Variants in TNFSF11 observed in about 807,000 individuals in gnomAD.
TNFSF11 encodes tumor necrosis factor ligand superfamily member 11.
Under a neutral mutation model 32.2 loss-of-function variants are expected in TNFSF11, and 12 were observed. That is an observed-to-expected ratio of 0.37 (90% CI 0.24 to 0.60). TNFSF11 has a LOEUF of 0.60. TNFSF11 is among the 20% of genes least tolerant of loss of function. TNFSF11 has a pLI of 0.66. For missense variants in TNFSF11, 345 were observed against 398.0 expected (o/e 0.87, Z 1.13); for synonymous variants, 172 against 152.1 (o/e 1.13, Z -0.96).
intron 2 of TNFSF11, among the ~76,000 whole-genome samples, chr13:42,599,513 T>C (rs563814575): frequency 6.6e-6 from 1 of 152,118 alleles, no homozygotes; most frequent in Non-Finnish European, 1.5e-5. Context: ...TAGGAATCTC[T>C]CCAGAGTGGT....
chr13:42,599,493 C>G (rs187960982), intron 2 of TNFSF11, among the ~76,000 whole-genome samples: 25 of 152,182 alleles, frequency 1.6e-4, no homozygotes, highest in African/African-American at 6.0e-4. Flanking sequence ...ATTCCAGTAA[C>G]AGGGGAAATT....
At chr13:42,586,091 T>C (rs1374831898) in intron 2 of TNFSF11, among the ~76,000 whole-genome samples, 1 of 152,238 alleles carries the variant, frequency 6.6e-6, no homozygotes, top group Non-Finnish European at 1.5e-5. Context: ...TGTACAAATA[T>C]ACGAGAGTGA....
chr13:42,604,354 T>G (rs1356677752), intron 4 of TNFSF11, among the ~76,000 whole-genome samples: 1 of 152,196 alleles, frequency 6.6e-6, no homozygotes, highest in East Asian at 1.9e-4. Context: ...TCTGGGGTGC[T>G]TTAATCTGGG....
upstream of TNFSF11, among the ~76,000 whole-genome samples, chr13:42,569,606 T>C (rs1439740466): frequency 6.8e-6 from 1 of 147,636 alleles, no homozygotes; most frequent in African/African-American, 2.5e-5. Flanking sequence ...GAGATTAGAG[T>C]TAGAGTCAGA....
chr13:42,582,381 G>A (rs1056664003), intron 2 of TNFSF11, among the ~76,000 whole-genome samples: 7 of 152,190 alleles, frequency 4.6e-5, no homozygotes, highest in Non-Finnish European at 7.3e-5. Flanking sequence ...GTAAACGTCT[G>A]TAACACCCTG....
chr13:42,586,212 A>C (rs1280786840), intron 2 of TNFSF11, among the ~76,000 whole-genome samples: 2 of 152,236 alleles, frequency 1.3e-5, no homozygotes, highest in African/African-American at 4.8e-5. Context: ...GTGAAGCTGC[A>C]AGCTCCATCA....
chr13:42,580,538 CA>C (rs1310061379), intron 1 of TNFSF11, among the ~76,000 whole-genome samples: 1 of 151,918 alleles, frequency 6.6e-6, no homozygotes, highest in African/African-American at 2.4e-5. Flanking sequence ...AGAGGGTCAA[CA>C]AAAAAGACAG....
At chr13:42,570,119 G>C (rs1223656896), upstream of TNFSF11, among the ~76,000 whole-genome samples, 1 of 152,116 alleles carries the variant, frequency 6.6e-6, no homozygotes, top group Non-Finnish European at 1.5e-5. Context: ...GAATGTAAAA[G>C]GTTTGAAAAT....
chr13:42,581,182 A>C lies in TNFSF11; in HGVS notation c.276A>C (p.Arg92Ser). ...CTCACTGCATTTATAGAATTTTGAG[A>C]CTCCATGAAAATGCAGATTTTCAAG... Reference protein sequence around the residue: ...DGTHCIYRILRLHENADFQDT... With the variant: ...DGTHCIYRILSLHENADFQDT... Residue 92 changes from arginine (R) to serine (S), a missense_variant, in exon 2 of 5, where the codon AGA becomes AGC. Transcript: ENST00000398795. 6.2e-7 allele frequency: 1 copy of C among 1,614,052 alleles called. No homozygotes were observed. The highest frequency in any genetic ancestry group is 1.3e-5 in the African/African-American group (1 of 75,016).
chr13:42,572,492 AGGAGGAGGAGGAGGG>A (rs1417073834), upstream of TNFSF11, among the ~76,000 whole-genome samples: 3 of 152,064 alleles, frequency 2.0e-5, no homozygotes, highest in South Asian at 6.2e-4. Flanking sequence ...GAGGAAGAAG[AGGAGGAGGAGGAGGG>A]GGAGGAGGAG....
At chr13:42,563,932 T>G in intron 1 of TNFSF11, among the ~76,000 whole-genome samples, 1 of 152,174 alleles carries the variant, frequency 6.6e-6, no homozygotes, top group East Asian at 1.9e-4. Flanking sequence ...GTTGCATTTT[T>G]TCCCTGTCCT....
intron 2 of TNFSF11, among the ~76,000 whole-genome samples, chr13:42,595,948 G>C (rs1414930508): frequency 6.6e-6 from 1 of 152,248 alleles, no homozygotes; most frequent in Non-Finnish European, 1.5e-5. Flanking sequence ...TCTGACAGAT[G>C]TAGAGGACTA....
intron 4 of TNFSF11, among the ~76,000 whole-genome samples, chr13:42,604,503 G>A (rs184262592): frequency 2.0e-5 from 3 of 152,328 alleles, no homozygotes; most frequent in Admixed American, 2.0e-4. Context: ...AGAGGGATTG[G>A]AACCATTGAA....
chr13:42,600,947 T>C lies in TNFSF11; in HGVS notation c.498T>C (p.Ala166=), dbSNP rs777828159. The change falls in exon 4 of 5, where the codon GCT becomes GCC. Residue 166 remains alanine (A), a synonymous_variant. Transcript: ENST00000398795. ...KRSKLEAQPF[A]HLTINATDIP... Reference sequence around the variant, plus strand: ...GCAAGCTTGAAGCTCAGCCTTTTGCTCATCTCACTATTAATGCCACCGACA... The same window carrying C: ...GCAAGCTTGAAGCTCAGCCTTTTGCCCATCTCACTATTAATGCCACCGACA... The C allele has an allele frequency of 1.2e-6, 2 of 1,614,166 alleles. No homozygotes were observed. The highest frequency in any genetic ancestry group is 3.3e-5 in the Admixed American group (2 of 60,026).
chr13:42,580,368 A>G lies in TNFSF11; in HGVS notation c.220-758A>G, dbSNP rs182800285. ...CAATGGGTATATTTTGGGTGGGACAATTCCTTACATTACAGGAATCTTAGC... is the reference window on the plus strand; with the variant it reads ...CAATGGGTATATTTTGGGTGGGACAGTTCCTTACATTACAGGAATCTTAGC... On this transcript the variant is annotated intron_variant, in intron 1 of 4. Transcript: ENST00000398795. Among the ~76,000 whole-genome samples, 462 of 152,292 alleles carry G rather than the reference A, an allele frequency of 3.0e-3. 5 individuals carry two copies. Among genetic ancestry groups the G allele is most frequent in the African/African-American group, 0.01 (423 of 41,558 alleles).
intron 2 of TNFSF11, among the ~76,000 whole-genome samples, chr13:42,600,019 C>A (rs1260560272): frequency 2.0e-5 from 3 of 151,964 alleles, no homozygotes; most frequent in African/African-American, 7.3e-5. Context: ...CTTACTCTTG[C>A]CCTAAGATGT....
rs1004933682 is a variant in TNFSF11 at position 42,600,679 on chromosome 13, A to G, written c.388-73A>G. ...AGAGGGTTAATTTGTTGCATATGTA[A>G]CAGCCCTGAATTCTTATTGCTTTAC... On this transcript the variant is annotated intron_variant, in intron 2 of 4. Coordinates refer to ENST00000398795, the MANE Select transcript of TNFSF11 (RefSeq NM_003701.4). The G allele has an allele frequency of 3.4e-6, 5 of 1,476,036 alleles. No homozygotes were observed. The African/African-American group carries it at 5.6e-5, about 17-fold the overall frequency. The allele number at this position is 1,476,036 out of a possible 1,614,324, so 91.4% of individuals were successfully genotyped here.
intron 4 of TNFSF11, among the ~76,000 whole-genome samples, chr13:42,602,205 G>A (rs1869213057): frequency 6.6e-6 from 1 of 152,154 alleles, no homozygotes; most frequent in South Asian, 2.1e-4. Context: ...ATATGCTTCA[G>A]CTTCATCATG....
chr13:42,605,110 A>T (rs1225532579), intron 4 of TNFSF11, among the ~76,000 whole-genome samples: 5 of 152,150 alleles, frequency 3.3e-5, no homozygotes, highest in Non-Finnish European at 7.3e-5. Context: ...TGAGGCTCTC[A>T]TAAGGATTCA....
Sources: gnomAD v4.1 joint callset for allele counts (sites outside exome capture counted in the v4.1 genomes callset) on GRCh38, gnomAD v4.1.1 for gene constraint, MANE v1.5 for transcripts, NCBI Gene and HGNC (gene_info 2026-07-23, HGNC 2026-07-21) for gene names.